CRHR1: variants seen among roughly 807,000 people sequenced by gnomAD.
The protein encoded by CRHR1 is corticotropin releasing hormone receptor 1.
A neutral mutation model predicts 56.0 loss-of-function variants in CRHR1; 28 were observed. The observed-to-expected ratio is 0.50, with a 90% CI of 0.37 to 0.69. CRHR1 has a LOEUF of 0.69. Ranked by LOEUF, CRHR1 falls within the 30% of genes least tolerant of loss-of-function variation. CRHR1 has a pLI of 0.00. For synonymous variants in CRHR1, 195 were observed against 216.5 expected (o/e 0.90, Z 0.87); for missense variants, 376 against 548.0 (o/e 0.69, Z 3.13).
chr17:45,793,053 G>A (rs1481324370), intron 1 of CRHR1, among the ~76,000 whole-genome samples: 6 of 152,174 alleles, frequency 3.9e-5, no homozygotes, highest in Admixed American at 6.5e-5. Flanking sequence ...CCCAATGAAC[G>A]TCTGTCTGAG....
rs2143236374 is a variant in CRHR1, at chr17:45,830,457, A to T, written c.596A>T (p.His199Leu). The change falls in exon 7 of 13, where the codon CAT becomes CTT. Residue 199 changes from histidine (H) to leucine (L), a missense_variant. Transcript: ENST00000314537. ...RLVTAAYNYFHVTNFFWMFGE... is the reference protein window; with the variant it reads ...RLVTAAYNYFLVTNFFWMFGE... ...GTGACAGCCGCCTACAACTACTTCC[A>T]TGTGACCAACTTCTTCTGGATGTTC... 2 of 1,613,414 alleles carry T rather than the reference A, an allele frequency of 1.2e-6. No individual in the cohort carries two copies. The highest frequency in any genetic ancestry group is 1.7e-6 in the Non-Finnish European group (2 of 1,179,882).
intron 1 of CRHR1, among the ~76,000 whole-genome samples, chr17:45,803,229 G>A (rs563313814): frequency 2.0e-4 from 31 of 152,248 alleles, no homozygotes; most frequent in African/African-American, 7.2e-4. Flanking sequence ...GTAATTGGAT[G>A]GAAATAGAAC....
At chr17:45,798,608 C>T (rs889530938) in intron 1 of CRHR1, among the ~76,000 whole-genome samples, 17 of 151,990 alleles carry the variant, frequency 1.1e-4, no homozygotes, top group African/African-American at 3.9e-4. Flanking sequence ...ACATCTGGAA[C>T]CTTGGAGGGG....
intron 2 of CRHR1, among the ~76,000 whole-genome samples, chr17:45,813,384 GCCCCTTTTCATTTGGCTTCTCCTCC>G (rs1310928769): frequency 6.8e-6 from 1 of 146,258 alleles, no homozygotes; most frequent in Non-Finnish European, 1.5e-5. Context: ...TTGTCTCCTC[GCCCCTTTTCATTTGGCTTCTCCTCC>G]CCGTTCTTGC....
chr17:45,797,157 A>C (rs1410827727), intron 1 of CRHR1, among the ~76,000 whole-genome samples: 1 of 152,222 alleles, frequency 6.6e-6, no homozygotes, highest in Non-Finnish European at 1.5e-5. Flanking sequence ...GGGGCTGGGC[A>C]AGGGGCACTT....
At chr17:45,822,228 C>G (rs924665855) in intron 4 of CRHR1, among the ~76,000 whole-genome samples, 3 of 152,210 alleles carry the variant, frequency 2.0e-5, no homozygotes, top group Admixed American at 2.0e-4. Context: ...TGCATAATAT[C>G]ACAAAATGTA....
intron 4 of CRHR1, among the ~76,000 whole-genome samples, chr17:45,821,768 G>C (rs553757642): frequency 1.1e-4 from 17 of 152,306 alleles, no homozygotes; most frequent in African/African-American, 4.1e-4. Context: ...GACCAGACTC[G>C]GTCACAGGAG....
intron 8 of CRHR1, among the ~76,000 whole-genome samples, chr17:45,832,667 G>A (rs1163546044): frequency 6.6e-6 from 1 of 152,232 alleles, no homozygotes; most frequent in Non-Finnish European, 1.5e-5. Context: ...ACCTGTGCAA[G>A]TATTCCTCTC....
intron 3 of CRHR1, among the ~76,000 whole-genome samples, chr17:45,820,421 A>C (rs778889668): frequency 2.6e-5 from 4 of 152,128 alleles, no homozygotes; most frequent in Admixed American, 6.5e-5. Context: ...GAAGGAGGGT[A>C]AGGGGAACAC....
intron 2 of CRHR1, among the ~76,000 whole-genome samples, chr17:45,814,705 T>C (rs1042361252): frequency 1.3e-4 from 20 of 152,086 alleles, no homozygotes; most frequent in African/African-American, 4.6e-4. Flanking sequence ...CCCAGCCTGG[T>C]ACGCCGTTGC....
At chr17:45,794,441 C>T (rs1480541410) in intron 1 of CRHR1, among the ~76,000 whole-genome samples, 1 of 152,266 alleles carries the variant, frequency 6.6e-6, no homozygotes, top group African/African-American at 2.4e-5. Context: ...GCCCAGATCT[C>T]TGGTTCACCC....
At chr17:45,791,491 T>C (rs1352874515) in intron 1 of CRHR1, among the ~76,000 whole-genome samples, 1 of 152,146 alleles carries the variant, frequency 6.6e-6, no homozygotes, top group African/African-American at 2.4e-5. Flanking sequence ...AAGACCTGCC[T>C]GCCTGCCTTG....
chr17:45,814,613 G>A (rs562687780), intron 2 of CRHR1, among the ~76,000 whole-genome samples: 62 of 152,092 alleles, frequency 4.1e-4, no homozygotes, highest in South Asian at 8.3e-4. Context: ...TCCCCTCCCC[G>A]CGGCCACATG....
At chr17:45,785,057 G>C (rs2061309083) in intron 1 of CRHR1, among the ~76,000 whole-genome samples, 1 of 152,132 alleles carries the variant, frequency 6.6e-6, no homozygotes, top group African/African-American at 2.4e-5. Context: ...TCCGCGGCGA[G>C]CTGCGAGTCC....
At chr17:45,815,542 G>A (rs1720311532) in intron 2 of CRHR1, among the ~76,000 whole-genome samples, 1 of 152,178 alleles carries the variant, frequency 6.6e-6, no homozygotes, top group African/African-American at 2.4e-5. Context: ...AATGAAAGCC[G>A]TGGGCCCATT....
chr17:45,815,440 C>G (rs2061908265), intron 2 of CRHR1, among the ~76,000 whole-genome samples: 1 of 152,202 alleles, frequency 6.6e-6, no homozygotes, highest in Admixed American at 6.5e-5. Flanking sequence ...TCTCTCTCCT[C>G]CAAAAAGCAA....
At chr17:45,785,009 C>G (rs1324995005) in intron 1 of CRHR1, among the ~76,000 whole-genome samples, 1 of 152,224 alleles carries the variant, frequency 6.6e-6, no homozygotes, top group Non-Finnish European at 1.5e-5. Context: ...TCCGCACGCC[C>G]CCGCCCTAGT....
chr17:45,789,398 G>T (rs916014185), intron 1 of CRHR1, among the ~76,000 whole-genome samples: 2 of 151,058 alleles, frequency 1.3e-5, no homozygotes, highest in Non-Finnish European at 2.9e-5. Flanking sequence ...TGGAGACAGG[G>T]TCTCACTCTG....
At chr17:45,802,768 A>G (rs1444903106) in intron 1 of CRHR1, among the ~76,000 whole-genome samples, 2 of 152,230 alleles carry the variant, frequency 1.3e-5, no homozygotes, top group African/African-American at 2.4e-5. Context: ...CTAGGCAGCC[A>G]AGGGAAGACT....
Sources: allele counts gnomAD v4.1 joint callset (sites outside exome capture counted in the v4.1 genomes callset), GRCh38; gene constraint gnomAD v4.1.1; transcripts MANE v1.5; gene names NCBI Gene and HGNC (gene_info 2026-07-23, HGNC 2026-07-21).